Variants in ASAP2 observed in about 807,000 individuals in gnomAD.
ASAP2 encodes ArfGAP with SH3 domain, ankyrin repeat and PH domain 2.
ASAP2 carries 45 observed loss-of-function variants against 131.4 expected under a neutral mutation model. The ratio of observed to expected loss-of-function variants is 0.34; its 90% CI spans 0.27 to 0.44. The LOEUF (loss-of-function observed/expected upper bound fraction) is 0.44, where lower values mean the gene tolerates loss of function less well. ASAP2 is among the 20% of genes least tolerant of loss of function. ASAP2 has a pLI of 1.00. For missense variants in ASAP2, 1,011 were observed against 1,297.0 expected, an observed-to-expected ratio of 0.78 and a Z score of 3.39; for synonymous variants, 510 against 503.0, an observed-to-expected ratio of 1.01 and a Z score of -0.19.
At chr2:9,335,288 C>A in intron 9 of ASAP2, 109 bp downstream of exon 9, 1 of 878,834 alleles carries the variant, frequency 1.1e-6, no homozygotes, top group South Asian at 1.5e-5. Flanking sequence ...TTCACTCGGG[C>A]TGTGTCAGGC....
Position 9,279,325 on chromosome 2 carries a change from C to T in ASAP2, c.135C>T (p.Asp45=), listed in dbSNP as rs35357758. 2.0e-3 allele frequency: 3,262 copies of T among 1,614,018 alleles called. 39 individuals carry two copies. In the African/African-American group the frequency reaches 0.037, roughly 19 times the overall value. Residue 45 remains aspartate (D), a synonymous_variant, in exon 2 of 28, where the codon GAC becomes GAT. Coordinates refer to ENST00000281419, the MANE Select transcript of ASAP2 (RefSeq NM_003887.3). ...TATTCTCTACATTTTAGGCTTTGGA[C>T]GTGGACCGGATGGTTCTTTACAAAA... ...NTVAAIEEAL[D]VDRMVLYKMK... is the part of the protein sequence containing the mutation.
chr2:9,342,563 T>G (rs1300263392), intron 9 of ASAP2, among the ~76,000 whole-genome samples: 1 of 152,214 alleles, frequency 6.6e-6, no homozygotes. Context: ...TGGAAGAGAT[T>G]TATAAGTATA....
At chr2:9,245,068 T>C (rs1664241375) in intron 1 of ASAP2, among the ~76,000 whole-genome samples, 2 of 152,224 alleles carry the variant, frequency 1.3e-5, no homozygotes, top group Non-Finnish European at 2.9e-5. Flanking sequence ...TTTTACCTCT[T>C]ACTGGTAGTG....
intron 1 of ASAP2, among the ~76,000 whole-genome samples, chr2:9,218,224 C>G (rs1662189237): frequency 6.6e-6 from 1 of 152,138 alleles, no homozygotes; most frequent in Non-Finnish European, 1.5e-5. Flanking sequence ...TGTGAGTTTC[C>G]TTAGTGCAGG....
rs1389869144 is a variant in ASAP2 at position 9,254,224 on chromosome 2, AAAAAAAAAAAAAAT to A, written c.127-25091_127-25078del. ...AGACTGTCTCAAAAAAAAAAAAAAA[AAAAAAAAAAAAAAT>A]ATATATATATATATATACACGTGTG... On this transcript the variant is annotated intron_variant, in intron 1 of 27. Transcript: ENST00000281419. 1.5e-4 allele frequency among the ~76,000 whole-genome samples: 11 copies of A among 75,214 alleles called. 1 individual carries two copies. The highest frequency in any genetic ancestry group is 2.6e-4 in the Non-Finnish European group (10 of 38,838). The allele number at this position is 75,214 out of a possible 152,430, so 49.3% of individuals were successfully genotyped here. A position where few individuals can be genotyped will look rare whatever the true frequency, so the allele number is the denominator to read the frequency against.
intron 2 of ASAP2, among the ~76,000 whole-genome samples, chr2:9,287,205 A>G (rs10191238): frequency 0.35 from 52,870 of 152,150 alleles, 9,483 homozygotes; most frequent in African/African-American, 0.4. Context: ...GAAAACAAGC[A>G]GCAACGTGGG....
chr2:9,280,363 C>T lies in ASAP2; in HGVS notation c.199+974C>T, dbSNP rs928877899. ...CATTCCACCTGCTCCCCCCCACCGC[C>T]CCCACCAGTTACAATAGGGCGGGCA... On this transcript the variant is annotated intron_variant, in intron 2 of 27. Transcript: ENST00000281419. 2.0e-5 allele frequency among the ~76,000 whole-genome samples: 3 copies of T among 152,084 alleles called. No individual in the cohort carries two copies. The South Asian group carries it at 6.2e-4, about 32-fold the overall frequency.
At chr2:9,399,733 A>G (rs1676466376) in intron 24 of ASAP2, 2 of 479,540 alleles carry the variant, frequency 4.2e-6, no homozygotes, top group East Asian at 3.9e-5. Context: ...GGGCGGGGCC[A>G]GTGGCCAGTG....
chr2:9,314,309 C>G (rs936697949), intron 3 of ASAP2, among the ~76,000 whole-genome samples: 9 of 152,174 alleles, frequency 5.9e-5, no homozygotes, highest in Admixed American at 5.2e-4. Flanking sequence ...CCTACTGTTG[C>G]TGTATGCAAA....
At chr2:9,300,054 A>C (rs896108733) in intron 3 of ASAP2, among the ~76,000 whole-genome samples, 1 of 152,120 alleles carries the variant, frequency 6.6e-6, no homozygotes, top group Admixed American at 6.5e-5. Context: ...CAACATGGGG[A>C]ACCCCTGTTT....
chr2:9,287,079 GCCAA>G (rs1217800892), intron 2 of ASAP2, among the ~76,000 whole-genome samples: 2 of 152,238 alleles, frequency 1.3e-5, no homozygotes, highest in African/African-American at 4.8e-5. Flanking sequence ...GTGTCATCTA[GCCAA>G]CAGTTGGAGG....
intron 12 of ASAP2, among the ~76,000 whole-genome samples, chr2:9,352,559 G>A (rs1039582700): frequency 6.6e-6 from 1 of 152,248 alleles, no homozygotes; most frequent in African/African-American, 2.4e-5. Flanking sequence ...ATGTGCAGAA[G>A]CACTTGCTCC....
rs201505810 is a variant in ASAP2 at position 9,374,804 on chromosome 2, G to T, written c.1606G>T (p.Ala536Ser). 3.0e-5 allele frequency: 49 copies of T among 1,612,670 alleles called. No homozygotes were observed. The highest frequency in any genetic ancestry group is 2.5e-5 in the Non-Finnish European group (30 of 1,179,650). ...AGCCAAGTACATCGAGAGGAGATACGCAAGGAAGAAGCACGCGGATAACGC... is the reference window on the plus strand; with the variant it reads ...AGCCAAGTACATCGAGAGGAGATACTCAAGGAAGAAGCACGCGGATAACGC... ...ITAKYIERRY[A>S]RKKHADNAAK... Residue 536 changes from alanine (A) to serine (S), a missense_variant, in exon 17 of 28, where the codon GCA (alanine) becomes TCA (serine). Transcript: ENST00000281419.
chr2:9,217,370 G>GC lies in ASAP2; in HGVS notation c.126+10142dup, dbSNP rs915030967. Among the ~76,000 whole-genome samples, 10 of 152,170 alleles carry GC rather than the reference G, an allele frequency of 6.6e-5. No homozygotes were observed. Among genetic ancestry groups the GC allele is most frequent in the Non-Finnish European group, 1.5e-5 (1 of 68,042 alleles). ...ATGCCCAGCCCCACGGAGCAGAGTG[G>GC]CCAGGGGCATTGCTCACACCCTGGC... On this transcript the variant is annotated intron_variant, in intron 1 of 27. Coordinates refer to ENST00000281419, the MANE Select transcript of ASAP2 (RefSeq NM_003887.3). This position sits in a 1 kb window ranked among gnomAD's most constrained non-coding sequence, Gnocchi z 4.0.
chr2:9,302,509 G>A (rs1158929446), intron 3 of ASAP2, among the ~76,000 whole-genome samples: 1 of 147,750 alleles, frequency 6.8e-6, no homozygotes, highest in Non-Finnish European at 1.5e-5. Flanking sequence ...GAGTCTCACT[G>A]TGTCGCCCAA....
intron 24 of ASAP2, among the ~76,000 whole-genome samples, chr2:9,398,028 G>A (rs1676315905): frequency 6.6e-6 from 1 of 151,584 alleles, no homozygotes; most frequent in Non-Finnish European, 1.5e-5. Flanking sequence ...AAAGTGCTGG[G>A]ATTACAGGCG....
rs531662769 is a variant in ASAP2, at chr2:9,207,309, C to G, written c.126+79C>G. ...GCCCGCCGCTCCCGCATCCGCATCC[C>G]GAGAAAACTTTCTTTGCTCCGAAGC... On this transcript the variant is annotated intron_variant, in intron 1 of 27. Coordinates refer to ENST00000281419, the MANE Select transcript of ASAP2 (RefSeq NM_003887.3). The surrounding 1 kb of genome is among the most constrained non-coding windows in gnomAD (Gnocchi z 4.1). The G allele has an allele frequency of 2.4e-5, 35 of 1,435,134 alleles. No individual in the cohort carries two copies. The African/African-American group carries it at 4.0e-4, about 17-fold the overall frequency. 88.9% of individuals were successfully genotyped at this position (1,435,134 alleles called of 1,614,324 possible). A position where few individuals can be genotyped will look rare whatever the true frequency, so the allele number is the denominator to read the frequency against.
intron 2 of ASAP2, among the ~76,000 whole-genome samples, chr2:9,291,460 C>T (rs1319978823): frequency 2.0e-5 from 3 of 152,112 alleles, no homozygotes; most frequent in Non-Finnish European, 2.9e-5. Context: ...CAAGTGAGGT[C>T]GGAAACAGGT....
chr2:9,374,027 C>G (rs1045654733), intron 16 of ASAP2, among the ~76,000 whole-genome samples: 2 of 152,220 alleles, frequency 1.3e-5, no homozygotes, highest in African/African-American at 2.4e-5. Context: ...GTCAGACTTA[C>G]AAGTCTAGAG....
Sources: gnomAD v4.1 joint callset for allele counts (sites outside exome capture counted in the v4.1 genomes callset) on GRCh38, gnomAD v4.1.1 for gene constraint, Gnocchi (gnomAD v3.1) non-coding constraint, MANE v1.5 for transcripts, NCBI Gene and HGNC (gene_info 2026-07-23, HGNC 2026-07-21) for gene names.